GDPD4: variants seen among roughly 807,000 people sequenced by gnomAD.
GDPD4 encodes glycerophosphodiester phosphodiesterase domain containing 4.
Under a neutral mutation model 67.8 loss-of-function variants are expected in GDPD4, and 60 were observed. The observed-to-expected ratio is 0.88, with a 90% CI of 0.72 to 1.10. The LOEUF (loss-of-function observed/expected upper bound fraction) is 1.10. Among genes scored for constraint, GDPD4 ranks in the 50% least tolerant of loss-of-function variants. GDPD4 has a pLI of 0.00. For synonymous variants in GDPD4, 212 were observed against 210.9 expected (o/e 1.00, Z -0.04); for missense variants, 623 against 613.9 (o/e 1.01, Z -0.16).
intron 7 of GDPD4, 41 bp downstream of exon 7, chr11:77,271,089 G>A (rs1193069076): frequency 7.9e-6 from 11 of 1,389,636 alleles, no homozygotes; most frequent in Non-Finnish European, 1.1e-5. Context: ...GCTAAAGCCA[G>A]AGCTGAAGAA....
chr11:77,227,780 C>A, intron 16 of GDPD4, 84 bp downstream of exon 16: 1 of 663,254 alleles, frequency 1.5e-6, no homozygotes, highest in South Asian at 1.4e-5. Flanking sequence ...CAGCTCTTGT[C>A]AGGGACATGA....
chr11:77,299,697 G>T (rs779110685), intron 1 of GDPD4, among the ~76,000 whole-genome samples: 34 of 152,194 alleles, frequency 2.2e-4, no homozygotes, highest in Non-Finnish European at 3.7e-4. Flanking sequence ...AAGAGAGTAA[G>T]TCCCAAATGC....
At chr11:77,290,602 T>C (rs1937739766) in intron 1 of GDPD4, among the ~76,000 whole-genome samples, 1 of 152,174 alleles carries the variant, frequency 6.6e-6, no homozygotes, top group Admixed American at 6.5e-5. Flanking sequence ...ACCTATGTGA[T>C]ACAGCAAGAG....
At chr11:77,232,662 CAAA>C (rs1412906364) in intron 14 of GDPD4, among the ~76,000 whole-genome samples, 1 of 152,162 alleles carries the variant, frequency 6.6e-6, no homozygotes, top group Non-Finnish European at 1.5e-5. Context: ...GCTACAGTAA[CAAA>C]ACTCTGAAGT....
intron 1 of GDPD4, among the ~76,000 whole-genome samples, chr11:77,293,406 C>T (rs1263446362): frequency 6.6e-6 from 1 of 152,042 alleles, no homozygotes; most frequent in Non-Finnish European, 1.5e-5. Flanking sequence ...CCAGCATGGG[C>T]AACATGGCCA....
At chr11:77,296,187 C>G (rs1178840676) in intron 1 of GDPD4, among the ~76,000 whole-genome samples, 2 of 142,190 alleles carry the variant, frequency 1.4e-5, no homozygotes, top group African/African-American at 5.2e-5. Flanking sequence ...GGAGGTGGAG[C>G]TTGCAGTGAG....
At chr11:77,242,419 C>T (rs574017795) in intron 13 of GDPD4, among the ~76,000 whole-genome samples, 1 of 152,182 alleles carries the variant, frequency 6.6e-6, no homozygotes, top group Non-Finnish European at 1.5e-5. Flanking sequence ...GCATTTAAAG[C>T]ATTCTCAGTT....
chr11:77,252,624 G>A (rs1958929515), intron 11 of GDPD4, among the ~76,000 whole-genome samples: 1 of 152,094 alleles, frequency 6.6e-6, no homozygotes, highest in South Asian at 2.1e-4. Context: ...TGCATCTGGT[G>A]GAATAATCAC....
At chr11:77,265,139 T>C (rs1362473433) in intron 10 of GDPD4, among the ~76,000 whole-genome samples, 1 of 152,128 alleles carries the variant, frequency 6.6e-6, no homozygotes, top group Non-Finnish European at 1.5e-5. Flanking sequence ...TCATCTGGCC[T>C]TTTCCTTGAG....
intron 5 of GDPD4, among the ~76,000 whole-genome samples, chr11:77,271,891 C>G (rs1959237449): frequency 6.6e-6 from 1 of 152,138 alleles, no homozygotes; most frequent in South Asian, 2.1e-4. Context: ...TCCTCAGTGT[C>G]CTGCAGAATG....
At position 77,224,184 on chromosome 11, in the gene GDPD4, CCTCCCTGGGCTGCA is replaced by C. The variant is rs1243280123; in HGVS notation, c.1525+3666_1525+3679del. The C allele has an allele frequency of 2.0e-5, 3 of 151,994 alleles. No homozygotes were observed. The South Asian group carries it at 6.6e-4, about 33-fold the overall frequency. The allele number at this position is 151,994 out of a possible 1,614,324, so 9.4% of individuals were successfully genotyped here. A position where few individuals can be genotyped will look rare whatever the true frequency, so the allele number is the denominator to read the frequency against. ...GATGTCCTGCCCTGCTTCTGCTTGC[CCTCCCTGGGCTGCA>C]CCCACTGTCCAACCAGTCCCAGTGA... On this transcript the variant is annotated intron_variant, in intron 16 of 16. Transcript: ENST00000315938.
intron 1 of GDPD4, among the ~76,000 whole-genome samples, chr11:77,289,294 C>T (rs995554401): frequency 2.0e-5 from 3 of 148,724 alleles, no homozygotes; most frequent in Admixed American, 1.3e-4. Context: ...ACCTGGAAGG[C>T]GGAGGTTGCA....
At chr11:77,229,477 C>T (rs1958413177) in intron 14 of GDPD4, among the ~76,000 whole-genome samples, 2 of 152,288 alleles carry the variant, frequency 1.3e-5, no homozygotes, top group Non-Finnish European at 2.9e-5. Context: ...TTCATCTCAC[C>T]TTTCATCTCC....
intron 13 of GDPD4, among the ~76,000 whole-genome samples, chr11:77,242,373 G>T (rs1958685242): frequency 6.6e-6 from 1 of 151,906 alleles, no homozygotes; most frequent in South Asian, 2.1e-4. Context: ...AAAACAGAGG[G>T]CAATTCTATA....
Position 77,216,836 on chromosome 11 carries a change from T to A in GDPD4, c.*441A>T. On this transcript the variant is annotated 3_prime_UTR_variant, in exon 17 of 17. Transcript: ENST00000315938. ...AAGCAGGGGAGATGTGGCTAATTCT[T>A]CTTTGGAAACACAGAAGGCTATGTC... The A allele has an allele frequency of 3.2e-6, 2 of 626,724 alleles. No homozygotes were observed. Among genetic ancestry groups the A allele is most frequent in the Non-Finnish European group, 5.7e-6 (2 of 351,106 alleles). 38.8% of individuals were successfully genotyped at this position (626,724 alleles called of 1,614,324 possible).
chr11:77,228,034 A>AT (rs565071243), intron 15 of GDPD4, 118 bp from the exon 16 acceptor site: 184 of 762,902 alleles, frequency 2.4e-4, no homozygotes, highest in African/African-American at 1.6e-3. Flanking sequence ...ATCCTATAGC[A>AT]TTTGCCTGCA....
intron 10 of GDPD4, among the ~76,000 whole-genome samples, chr11:77,264,288 T>C (rs1959167311): frequency 6.6e-6 from 1 of 152,202 alleles, no homozygotes. Flanking sequence ...ATGAAGGTTT[T>C]TTCATATAAA....
chr11:77,297,305 G>C (rs1048073743), intron 1 of GDPD4, among the ~76,000 whole-genome samples: 19 of 151,740 alleles, frequency 1.3e-4, no homozygotes, highest in Admixed American at 2.6e-4. Context: ...CCAGCACTTT[G>C]GGAGGCCGAG....
In GDPD4 at chr11:77,285,179, T is replaced by C. The variant is rs769719843; in HGVS notation, c.-42A>G. ...GAAATTACCAGGCACGGCAAAATAA[T>C]TGCTCTTTCTGGGAAAAGAAAAAAG... is the stretch of plus-strand genomic sequence containing the variant. On this transcript the variant is annotated 5_prime_UTR_variant, in exon 3 of 17. Transcript: ENST00000315938. 1.3e-6 allele frequency: 2 copies of C among 1,495,136 alleles called. No homozygotes were observed. Among genetic ancestry groups the C allele is most frequent in the Non-Finnish European group, 9.3e-7 (1 of 1,077,328 alleles). 92.6% of individuals were successfully genotyped at this position (1,495,136 alleles called of 1,614,324 possible).
Sources: allele counts gnomAD v4.1 joint callset (sites outside exome capture counted in the v4.1 genomes callset), GRCh38; gene constraint gnomAD v4.1.1; transcripts MANE v1.5; gene names NCBI Gene and HGNC (gene_info 2026-07-23, HGNC 2026-07-21).